Variants in UGT1A10 observed in about 807,000 individuals in gnomAD.
UGT1A10 encodes the protein UDP-glucuronosyltransferase 1A10.
UGT1A10 carries 49 observed loss-of-function variants against 45.8 expected under a neutral mutation model. That is an observed-to-expected ratio of 1.07 (90% CI 0.85 to 1.36). The LOEUF (loss-of-function observed/expected upper bound fraction) is 1.36. Ranked by LOEUF, UGT1A10 falls within the 40% of genes most tolerant of loss-of-function variation. The pLI is 0.00. For synonymous variants in UGT1A10, 284 were observed against 249.7 expected (o/e 1.14, Z -1.29); for missense variants, 745 against 668.6 (o/e 1.11, Z -1.26).
chr2:233,728,353 G>C (rs563939650), intron 1 of UGT1A10, among the ~76,000 whole-genome samples: 3 of 152,192 alleles, frequency 2.0e-5, no homozygotes, highest in African/African-American at 7.2e-5. Context: ...GTGAGCAGGA[G>C]CTCCCTGAAC....
chr2:233,682,587 A>G, intron 1 of UGT1A10: 1 of 1,613,884 alleles, frequency 6.2e-7, no homozygotes, highest in Non-Finnish European at 8.5e-7. Context: ...TTGGAGGAAC[A>G]TTTATTTTGC....
At chr2:233,737,076 G>T (rs183644627) in intron 1 of UGT1A10, among the ~76,000 whole-genome samples, 1 of 152,230 alleles carries the variant, frequency 6.6e-6, no homozygotes, top group Non-Finnish European at 1.5e-5. Context: ...CTTCAGAGCT[G>T]TCAGACAGGG....
chr2:233,762,815 T>C (rs1334118608), intron 1 of UGT1A10, among the ~76,000 whole-genome samples: 4 of 152,182 alleles, frequency 2.6e-5, no homozygotes, highest in Non-Finnish European at 5.9e-5. Flanking sequence ...ATCAAAATAT[T>C]GATTTTCATA....
chr2:233,737,660 A>G (rs535932919), intron 1 of UGT1A10, among the ~76,000 whole-genome samples: 3 of 152,292 alleles, frequency 2.0e-5, no homozygotes, highest in East Asian at 3.9e-4. Context: ...GGAGCTGCAG[A>G]TCGGAGCTGT....
rs769029902 is a variant in UGT1A10, at chr2:233,746,869, C to G, written c.856-20165C>G. Among the ~76,000 whole-genome samples, 366 of 151,862 alleles carry G rather than the reference C, an allele frequency of 2.4e-3. 1 individual carries two copies. Among genetic ancestry groups the G allele is most frequent in the Non-Finnish European group, 3.4e-3 (229 of 68,000 alleles). ...CAGACCTCAGCTGCAGCCTGATAAA[C>G]GTGGTTAACAGAGAAGTAGGAGGCT... On this transcript the variant is annotated intron_variant, in intron 1 of 4. Coordinates refer to ENST00000344644, the MANE Select transcript of UGT1A10 (RefSeq NM_019075.4).
chr2:233,719,182 CT>C, intron 1 of UGT1A10: 1 of 1,614,216 alleles, frequency 6.2e-7, no homozygotes, highest in Non-Finnish European at 8.5e-7. Context: ...AACAATGTAT[CT>C]TTGGCCCTTC....
chr2:233,649,420 A>G (rs1398807350), intron 1 of UGT1A10, among the ~76,000 whole-genome samples: 1 of 152,222 alleles, frequency 6.6e-6, no homozygotes, highest in African/African-American at 2.4e-5. Context: ...TTCATTTTTA[A>G]CTAACCTGTA....
At chr2:233,680,013 C>CTCTCTCTCTCTTTTTTCTTTT (rs2074471108) in intron 1 of UGT1A10, among the ~76,000 whole-genome samples, 1 of 152,020 alleles carries the variant, frequency 6.6e-6, no homozygotes, top group Non-Finnish European at 1.5e-5. Flanking sequence ...TTCTTTCTTT[C>CTCTCTCTCTCTTTTTTCTTTT]TCTCTCTCTC....
chr2:233,743,833 G>A (rs2125856525), intron 1 of UGT1A10: 1 of 1,367,262 alleles, frequency 7.3e-7, no homozygotes, highest in African/African-American at 1.5e-5. Context: ...GGTGCCACTT[G>A]AGCGCCAGCT....
At chr2:233,758,650 G>A (rs1202453447) in intron 1 of UGT1A10, among the ~76,000 whole-genome samples, 3 of 152,060 alleles carry the variant, frequency 2.0e-5, no homozygotes, top group Admixed American at 6.6e-5. Flanking sequence ...AAGAATGAGA[G>A]GGTACCCTAA....
intron 1 of UGT1A10, among the ~76,000 whole-genome samples, chr2:233,639,393 G>A (rs966818000): frequency 9.9e-5 from 15 of 152,246 alleles, no homozygotes; most frequent in African/African-American, 2.6e-4. Flanking sequence ...CTTGGATATG[G>A]CCCAACCACA....
At chr2:233,674,164 T>C (rs1433240728) in intron 1 of UGT1A10, among the ~76,000 whole-genome samples, 3 of 152,194 alleles carry the variant, frequency 2.0e-5, no homozygotes, top group African/African-American at 7.2e-5. Flanking sequence ...GGTAACACAG[T>C]CATATTCTCT....
At chr2:233,682,754 G>A (rs1259249288) in intron 1 of UGT1A10, 18 of 1,613,802 alleles carry the variant, frequency 1.1e-5, no homozygotes, top group Non-Finnish European at 1.4e-5. Flanking sequence ...GATCTTCATT[G>A]GTGGTATCAA....
At chr2:233,739,452 G>C (rs115541121) in intron 1 of UGT1A10, among the ~76,000 whole-genome samples, 1,700 of 152,308 alleles carry the variant, frequency 0.011, 37 homozygotes, top group African/African-American at 0.039. Flanking sequence ...AAGCCACAGG[G>C]TTGGAGCTGC....
rs141722873 is a variant in UGT1A10, at chr2:233,659,579, G to T, written c.855+22202G>T. Among the ~76,000 whole-genome samples, 34 of 152,270 alleles carry T rather than the reference G, an allele frequency of 2.2e-4. No homozygotes were observed. The East Asian group carries it at 6.0e-3, about 27-fold the overall frequency. On this transcript the variant is annotated intron_variant, in intron 1 of 4. Transcript: ENST00000344644. ...GAGTAGGCTGAGGAGGAAGAGGAGG[G>T]GTTGGTCTTGCTTTTTCAGGGATGG...
At chr2:233,652,588 G>A (rs2073766637) in intron 1 of UGT1A10, among the ~76,000 whole-genome samples, 1 of 152,152 alleles carries the variant, frequency 6.6e-6, no homozygotes, top group Admixed American at 6.5e-5. Context: ...AATGCATAAT[G>A]AAATTTCCCC....
intron 1 of UGT1A10, chr2:233,721,856 C>T (rs902057829): frequency 1.4e-5 from 7 of 510,102 alleles, no homozygotes; most frequent in South Asian, 4.2e-5. Context: ...CCCCACTGCT[C>T]GGCCCTGGGC....
intron 1 of UGT1A10, chr2:233,692,907 G>A: frequency 6.4e-7 from 1 of 1,552,706 alleles, no homozygotes; most frequent in Non-Finnish European, 8.7e-7. Context: ...GACAGGACCT[G>A]TGAAAAGCAG....
At chr2:233,721,723 T>A (rs570482911) in intron 1 of UGT1A10, 28 of 397,856 alleles carry the variant, frequency 7.0e-5, no homozygotes, top group Non-Finnish European at 1.0e-5. Flanking sequence ...TTTGTTTACT[T>A]GGATAAGCTT....
Sources: gnomAD v4.1 joint callset for allele counts (sites outside exome capture counted in the v4.1 genomes callset) on GRCh38, gnomAD v4.1.1 for gene constraint, MANE v1.5 for transcripts, NCBI Gene and HGNC (gene_info 2026-07-23, HGNC 2026-07-21) for gene names.